The following SPPL2C variants were observed in gnomAD, a reference collection of about 807,000 sequenced individuals.
SPPL2C encodes the protein signal peptide peptidase like 2C, also known as signal peptide peptidase-like 2C.
Under a neutral mutation model 38.8 loss-of-function variants are expected in SPPL2C, and 33 were observed. The ratio of observed to expected loss-of-function variants is 0.85; its 90% confidence interval spans 0.64 to 1.14. SPPL2C has a LOEUF of 1.14. Ranked by LOEUF, SPPL2C falls within the 50% of genes most tolerant of loss-of-function variation. SPPL2C has a pLI of 0.00. For missense variants in SPPL2C, 899 were observed against 904.4 expected (o/e 0.99, Z 0.08); for synonymous variants, 384 against 390.7 (o/e 0.98, Z 0.20).
Position 45,846,055 on chromosome 17 carries a change from G to A in SPPL2C, c.1149G>A (p.Leu383=). Residue 383 remains leucine (L), a synonymous_variant, in exon 1 of 1, where the codon CTG becomes CTA. Coordinates refer to ENST00000329196, the MANE Select transcript of SPPL2C (RefSeq NM_175882.3). ...GCTCCTCCTTCCTGCTGGCCCTGCT[G>A]GCCTTTGATGTCTTCTTTGTCTTCG... The part of the protein sequence containing the change: ...KNCSSFLLAL[L]AFDVFFVFVT... The A allele has an allele frequency of 6.2e-7, 1 of 1,614,168 alleles. No homozygotes were observed. The highest frequency in any genetic ancestry group is 8.5e-7 in the Non-Finnish European group (1 of 1,180,036).
Position 45,845,692 on chromosome 17 carries a change from G to C in SPPL2C, c.786G>C (p.Leu262=). 6.2e-7 allele frequency: 1 copy of C among 1,613,814 alleles called. No individual in the cohort carries two copies. Among genetic ancestry groups the C allele is most frequent in the Non-Finnish European group, 8.5e-7 (1 of 1,180,038 alleles). ...TPAMTGVVVT[L]SCSLMLLLYF... is the part of the protein sequence containing the mutation. The stretch of plus-strand genomic sequence containing the variant: ...CCATGACAGGCGTGGTGGTCACCCT[G>C]TCCTGCTCGCTCATGCTGCTGCTCT... Residue 262 remains leucine (L), a synonymous_variant, in exon 1 of 1, where the codon CTG becomes CTC. Coordinates refer to ENST00000329196, the MANE Select transcript of SPPL2C (RefSeq NM_175882.3).
chr17:45,845,889 C>T lies in SPPL2C; in HGVS notation c.983C>T (p.Ala328Val), dbSNP rs138704863. The T allele has an allele frequency of 5.7e-5, 91 of 1,605,864 alleles. No homozygotes were observed. Among genetic ancestry groups the T allele is most frequent in the South Asian group, 8.8e-5 (8 of 91,080 alleles). ...ASLPLPLLLL[A>V]SLCATVIIFW... ...CTGCCGCTGCCTCTGCTGCTGCTGG[C>T]GAGCCTGTGCGCAACCGTGATCATC... The change falls in exon 1 of 1, where the codon GCG becomes GTG. Residue 328 changes from alanine (A) to valine (V), a missense_variant. Coordinates refer to ENST00000329196, the MANE Select transcript of SPPL2C (RefSeq NM_175882.3).
rs1223892666 is a variant in SPPL2C, at chr17:45,846,391, G to C, written c.1485G>C (p.Gln495His). The C allele has an allele frequency of 1.9e-6, 3 of 1,613,478 alleles. No individual in the cohort carries two copies. The highest frequency in any genetic ancestry group is 2.5e-6 in the Non-Finnish European group (3 of 1,180,034). ...LVTFMAMVLM[Q>H]MGQPALLYLV... ...CATTCATGGCCATGGTCCTCATGCA[G>C]ATGGGCCAACCTGCCTTGCTCTACC... is the stretch of plus-strand genomic sequence containing the variant. The change falls in exon 1 of 1, where the codon CAG becomes CAC. Residue 495 changes from glutamine to histidine, a missense_variant. Transcript: ENST00000329196.
Position 45,845,740 on chromosome 17 carries a change from C to CA in SPPL2C, c.834_835insA (p.Tyr279IlefsTer66). On this transcript the variant is annotated frameshift_variant, in exon 1 of 1. Coordinates refer to ENST00000329196, the MANE Select transcript of SPPL2C (RefSeq NM_175882.3). LOFTEE classifies it high-confidence loss of function. ...TCTACTTCTTCTATGACCACTTTGT[C>CA]TATGTCACCATTGGGATCTTTGGCC... The CA allele has an allele frequency of 1.2e-6, 2 of 1,613,352 alleles. No individual in the cohort carries two copies. Among genetic ancestry groups the CA allele is most frequent in the Non-Finnish European group, 1.7e-6 (2 of 1,180,042 alleles).
chr17:45,845,196 T>C lies in SPPL2C; in HGVS notation c.290T>C (p.Met97Thr), dbSNP rs1202387959. The C allele has an allele frequency of 6.2e-7, 1 of 1,613,708 alleles. No individual in the cohort carries two copies. Among genetic ancestry groups the C allele is most frequent in the Admixed American group, 1.7e-5 (1 of 60,020 alleles). The change falls in exon 1 of 1, where the codon ATG (methionine) becomes ACG (threonine). Residue 97 changes from methionine (M) to threonine (T), a missense_variant. By Grantham distance (81) the Met-to-Thr change is moderately conservative (BLOSUM62 -1). Coordinates refer to ENST00000329196, the MANE Select transcript of SPPL2C (RefSeq NM_175882.3). ...RPLRQTTAMV[M>T]RGNCSFHTKG... ...CTCCGCCAGACCACTGCCATGGTCA[T>C]GAGGGGTAACTGCAGCTTCCACACG... is the stretch of plus-strand genomic sequence containing the variant.
In SPPL2C at chr17:45,846,556, G is replaced by C; in HGVS notation, c.1650G>C (p.Glu550Asp). 1 of 1,613,046 alleles carries C rather than the reference G, an allele frequency of 6.2e-7. No homozygotes were observed. The highest frequency in any genetic ancestry group is 8.5e-7 in the Non-Finnish European group (1 of 1,179,942). Residue 550 changes from glutamate to aspartate, a missense_variant, in exon 1 of 1, where the codon GAG (glutamate) becomes GAC (aspartate). By Grantham distance (45) the Glu-to-Asp change is conservative. Transcript: ENST00000329196. ...APSAGSRQKQ[E>D]GAADAHTAST... ...CAGCTGGCTCTAGGCAGAAGCAGGA[G>C]GGCGCAGCAGATGCCCACACAGCCA...
Position 45,846,945 on chromosome 17 carries a change from C to A in SPPL2C, c.2039C>A (p.Thr680Asn). 6.4e-7 allele frequency: 1 copy of A among 1,566,514 alleles called. No individual in the cohort carries two copies. The highest frequency in any genetic ancestry group is 8.6e-7 in the Non-Finnish European group (1 of 1,158,010). Residue 680 changes from threonine (T) to asparagine (N), a missense_variant, in exon 1 of 1, where the codon ACC becomes AAC. By Grantham distance (65) the Thr-to-Asn change is moderately conservative (BLOSUM62 0). Coordinates refer to ENST00000329196, the MANE Select transcript of SPPL2C (RefSeq NM_175882.3). ...TTGAAAGTAAGAAAGAGCATGTCGACCCAGGCTCCCTTGTGAACTGGAGGC... is the reference window on the plus strand; with the variant it reads ...TTGAAAGTAAGAAAGAGCATGTCGAACCAGGCTCCCTTGTGAACTGGAGGC... Reference protein sequence around the residue: ...KGLKVRKSMSTQAPL With the variant: ...KGLKVRKSMSNQAPL
In SPPL2C at chr17:45,846,019, T is replaced by G; in HGVS notation, c.1113T>G (p.Thr371=). Residue 371 remains threonine, a synonymous_variant, in exon 1 of 1, where the codon ACT becomes ACG. Transcript: ENST00000329196. The stretch of plus-strand genomic sequence containing the variant: ...TCCTGCACCGTGTGCGGCTGCCCAC[T>G]CTCAAGAACTGCTCCTCCTTCCTGC... The part of the protein sequence containing the change: ...LFVLHRVRLP[T]LKNCSSFLLA... 1 of 1,614,010 alleles carries G rather than the reference T, an allele frequency of 6.2e-7. No homozygotes were observed. The highest frequency in any genetic ancestry group is 8.5e-7 in the Non-Finnish European group (1 of 1,180,022).
At position 45,846,677 on chromosome 17, in the gene SPPL2C, G is replaced by A. The variant is rs1360221462; in HGVS notation, c.1771G>A (p.Ala591Thr). 4 of 1,614,208 alleles carry A rather than the reference G, an allele frequency of 2.5e-6. No individual in the cohort carries two copies. Among genetic ancestry groups the A allele is most frequent in the Admixed American group, 3.3e-5 (2 of 60,026 alleles). The stretch of plus-strand genomic sequence containing the variant: ...GATTGTCACCATATCTGAGAATGAA[G>A]CCACCAATCCAGAGGACCGCAGTGA... Reference protein sequence around the residue: ...TEIVTISENEATNPEDRSDSS... With the variant: ...TEIVTISENETTNPEDRSDSS... The change falls in exon 1 of 1, where the codon GCC (alanine) becomes ACC (threonine). Residue 591 changes from alanine to threonine, a missense_variant. Transcript: ENST00000329196.
At position 45,845,939 on chromosome 17, in the gene SPPL2C, G is replaced by A. The variant is rs1167682577; in HGVS notation, c.1033G>A (p.Asp345Asn). 1 of 1,609,422 alleles carries A rather than the reference G, an allele frequency of 6.2e-7. No homozygotes were observed. Among genetic ancestry groups the A allele is most frequent in the Non-Finnish European group, 8.5e-7 (1 of 1,180,016 alleles). ...IIFWVAYRNE[D>N]RWAWLLQDTL... The stretch of plus-strand genomic sequence containing the variant: ...CTTCTGGGTGGCCTACCGCAATGAG[G>A]ACCGCTGGGCGTGGCTCCTGCAGGA... The change falls in exon 1 of 1, where the codon GAC (aspartate) becomes AAC (asparagine). Residue 345 changes from aspartate (D) to asparagine (N), a missense_variant. Physicochemically the swap from Asp to Asn is conservative, Grantham distance 23. Transcript: ENST00000329196.
Position 45,844,937 on chromosome 17 carries a change from G to C in SPPL2C, c.31G>C (p.Gly11Arg). MACLGFLLPVGFLLLISTVAG... is the reference protein window; with the variant it reads MACLGFLLPVRFLLLISTVAG... ...GTGCCTGGGCTTCCTCCTCCCCGTG[G>C]GCTTCCTCCTCCTCATCAGCACCGT... is the stretch of plus-strand genomic sequence containing the variant. The change falls in exon 1 of 1, where the codon GGC becomes CGC. Residue 11 changes from glycine to arginine, a missense_variant. Coordinates refer to ENST00000329196, the MANE Select transcript of SPPL2C (RefSeq NM_175882.3). The C allele has an allele frequency of 6.2e-7, 1 of 1,611,240 alleles. No homozygotes were observed. The highest frequency in any genetic ancestry group is 8.5e-7 in the Non-Finnish European group (1 of 1,177,840).
chr17:45,846,524 GC>G lies in SPPL2C; in HGVS notation c.1622del (p.Pro541LeufsTer32). On this transcript the variant is annotated frameshift_variant, in exon 1 of 1. Coordinates refer to ENST00000329196, the MANE Select transcript of SPPL2C (RefSeq NM_175882.3). LOFTEE classifies it high-confidence loss of function. ...GRAKMCGLGC[A>X]PSAGSRQKQE... ...AGCTAAGATGTGTGGGCTCGGCTGTGCCCCTTCAGCTGGCTCTAGGCAGAAG... is the reference window on the plus strand; with the variant it reads ...AGCTAAGATGTGTGGGCTCGGCTGTGCCCTTCAGCTGGCTCTAGGCAGAAG... 1 of 1,612,562 alleles carries G rather than the reference GC, an allele frequency of 6.2e-7. No homozygotes were observed. Among genetic ancestry groups the G allele is most frequent in the Admixed American group, 1.7e-5 (1 of 60,020 alleles).
At position 45,845,370 on chromosome 17, in the gene SPPL2C, A is replaced by T. The variant is rs201059946; in HGVS notation, c.464A>T (p.Tyr155Phe). 2 of 1,613,888 alleles carry T rather than the reference A, an allele frequency of 1.2e-6. No individual in the cohort carries two copies. The highest frequency in any genetic ancestry group is 1.7e-6 in the Non-Finnish European group (2 of 1,180,022). The part of the protein sequence containing the change: ...DLTIPVAMLH[Y>F]ADMLDILSHT... ...ACCATCCCTGTGGCTATGCTCCACT[A>T]TGCTGACATGCTGGACATCCTCAGC... The change falls in exon 1 of 1, where the codon TAT (tyrosine) becomes TTT (phenylalanine). Residue 155 changes from tyrosine (Y) to phenylalanine (F), a missense_variant. By Grantham distance (22) the Tyr-to-Phe change is conservative (BLOSUM62 3). Transcript: ENST00000329196.
chr17:45,846,325 C>T lies in SPPL2C; in HGVS notation c.1419C>T (p.Phe473=), dbSNP rs369468704. 44 of 1,613,924 alleles carry T rather than the reference C, an allele frequency of 2.7e-5. No individual in the cohort carries two copies. Among genetic ancestry groups the T allele is most frequent in the African/African-American group, 9.3e-5 (7 of 74,904 alleles). ...AAGTCTGCTCCCGTCAGATCTACTT[C>T]GTGGCCTGCACCGTGGCCTATGCTG... is the stretch of plus-strand genomic sequence containing the variant. ...DVQVCSRQIY[F]VACTVAYAVG... Residue 473 remains phenylalanine, a synonymous_variant, in exon 1 of 1, where the codon TTC becomes TTT. Coordinates refer to ENST00000329196, the MANE Select transcript of SPPL2C (RefSeq NM_175882.3).
Position 45,845,647 on chromosome 17 carries a change from C to A in SPPL2C, c.741C>A (p.Ile247=), listed in dbSNP as rs369440162. 8.7e-6 allele frequency: 14 copies of A among 1,613,658 alleles called. No homozygotes were observed. The African/African-American group carries it at 1.9e-4, about 21-fold the overall frequency. The change falls in exon 1 of 1, where the codon ATC becomes ATA. Residue 247 remains isoleucine, a synonymous_variant. Coordinates refer to ENST00000329196, the MANE Select transcript of SPPL2C (RefSeq NM_175882.3). ...EGAQKEDNED[I]PVDFTPAMTG... Reference sequence around the variant, plus strand: ...CCCAGAAGGAAGATAATGAGGACATCCCAGTGGACTTCACGCCGGCCATGA... The same window carrying A: ...CCCAGAAGGAAGATAATGAGGACATACCAGTGGACTTCACGCCGGCCATGA...
Position 45,846,545 on chromosome 17 carries a change from C to T in SPPL2C, c.1639C>T (p.Gln547Ter), listed in dbSNP as rs2062548582. The change falls in exon 1 of 1, where the codon CAG becomes TAG. Residue 547 changes from glutamine (Q) to a stop codon, truncating the protein, a stop_gained. Coordinates refer to ENST00000329196, the MANE Select transcript of SPPL2C (RefSeq NM_175882.3). LOFTEE classifies it high-confidence loss of function. ...LGCAPSAGSR[Q>*]KQEGAADAHT... ...CTGTGCCCCTTCAGCTGGCTCTAGG[C>T]AGAAGCAGGAGGGCGCAGCAGATGC... 2 of 1,612,646 alleles carry T rather than the reference C, an allele frequency of 1.2e-6. No homozygotes were observed. Among genetic ancestry groups the T allele is most frequent in the African/African-American group, 2.7e-5 (2 of 74,926 alleles).
rs754097867 is a variant in SPPL2C at position 45,847,010 on chromosome 17, C to T, written c.*49C>T. 3.4e-6 allele frequency: 5 copies of T among 1,490,316 alleles called. No homozygotes were observed. Among genetic ancestry groups the T allele is most frequent in the Non-Finnish European group, 8.9e-7 (1 of 1,121,256 alleles). The allele number at this position is 1,490,316 out of a possible 1,614,324, so 92.3% of individuals were successfully genotyped here. The stretch of plus-strand genomic sequence containing the variant: ...CTCTCAAAGGGCTGGTGGAACATTG[C>T]AGAGCAAAGCCATGCATGGCAACAA... On this transcript the variant is annotated 3_prime_UTR_variant, in exon 1 of 1. Transcript: ENST00000329196.
Position 45,846,302 on chromosome 17 carries a change from G to A in SPPL2C, c.1396G>A (p.Val466Ile), listed in dbSNP as rs2062545321. The A allele has an allele frequency of 6.2e-7, 1 of 1,613,992 alleles. No homozygotes were observed. The highest frequency in any genetic ancestry group is 8.5e-7 in the Non-Finnish European group (1 of 1,180,042). The change falls in exon 1 of 1, where the codon GTC (valine) becomes ATC (isoleucine). Residue 466 changes from valine (V) to isoleucine (I), a missense_variant. By Grantham distance (29) the Val-to-Ile change is conservative. Transcript: ENST00000329196. ...TTACTGTTGCCGCTTTGATGTGCAAGTCTGCTCCCGTCAGATCTACTTCGT... is the reference window on the plus strand; with the variant it reads ...TTACTGTTGCCGCTTTGATGTGCAAATCTGCTCCCGTCAGATCTACTTCGT... ...VAYCCRFDVQ[V>I]CSRQIYFVAC...
chr17:45,846,861 C>A lies in SPPL2C; in HGVS notation c.1955C>A (p.Ala652Asp). 10 of 1,612,666 alleles carry A rather than the reference C, an allele frequency of 6.2e-6. No homozygotes were observed. The highest frequency in any genetic ancestry group is 8.5e-6 in the Non-Finnish European group (10 of 1,179,394). ...CCCTCAGAGCTGGGCCATGTCCATG[C>A]CCAGGCCCAGGCCCACGAGACTGGC... ...PPPSELGHVH[A>D]QAQAHETGLP... Residue 652 changes from alanine (A) to aspartate (D), a missense_variant, in exon 1 of 1, where the codon GCC becomes GAC. By Grantham distance (126) the Ala-to-Asp change is moderately radical (BLOSUM62 -2). Coordinates refer to ENST00000329196, the MANE Select transcript of SPPL2C (RefSeq NM_175882.3).
Sources: gnomAD v4.1 joint callset for allele counts on GRCh38, gnomAD v4.1.1 for gene constraint, MANE v1.5 for transcripts, NCBI Gene and HGNC (gene_info 2026-07-23, HGNC 2026-07-21) for gene names.